ALMS1: variants seen among roughly 807,000 people sequenced by gnomAD.
ALMS1 encodes ALMS1 centrosome and basal body associated protein.
In ALMS1, 271 loss-of-function variants were observed where a neutral mutation model predicts 352.2. The observed-to-expected ratio is 0.77, with a 90% confidence interval of 0.70 to 0.85. The LOEUF is 0.85. Ranked by LOEUF, ALMS1 falls within the 40% of genes least tolerant of loss-of-function variation. The probability of loss-of-function intolerance (pLI) is 0.00; values close to 1 mark genes in which losing one functional copy is unlikely to be tolerated. For missense variants in ALMS1, 5,445 were observed against 4,870.7 expected (o/e 1.12, Z -3.51); for synonymous variants, 1,865 against 1,761.2 (o/e 1.06, Z -1.48).
rs1381524403 is a variant in ALMS1 at position 73,452,745 on chromosome 2, A to G, written c.6218A>G (p.Lys2073Arg). The change falls in exon 8 of 23, where the codon AAG becomes AGG. Residue 2073 changes from lysine (K) to arginine (R), a missense_variant. Transcript: ENST00000613296. ...PDRDQSKGIL[K>R]ISAVPELTDV... ...AGAGATCAAAGTAAAGGTATTCTAA[A>G]GATTTCAGCTGTCCCTGAACTAACT... 3 of 1,613,406 alleles carry G rather than the reference A, an allele frequency of 1.9e-6. No homozygotes were observed. The highest frequency in any genetic ancestry group is 2.5e-6 in the Non-Finnish European group (3 of 1,179,948).
intron 16 of ALMS1, among the ~76,000 whole-genome samples, chr2:73,596,208 C>G (rs1471472967): frequency 6.6e-6 from 1 of 152,144 alleles, no homozygotes; most frequent in Admixed American, 6.5e-5. Flanking sequence ...TAGAGATATT[C>G]TCCTATGTTT....
chr2:73,553,281 G>C (rs1423503550), intron 13 of ALMS1, among the ~76,000 whole-genome samples: 1 of 152,116 alleles, frequency 6.6e-6, no homozygotes, highest in Non-Finnish European at 1.5e-5. Flanking sequence ...TAAAACAAGG[G>C]AGTTTATTTA....
At chr2:73,503,706 G>A (rs1673263794) in intron 10 of ALMS1, among the ~76,000 whole-genome samples, 1 of 152,102 alleles carries the variant, frequency 6.6e-6, no homozygotes, top group South Asian at 2.1e-4. Context: ...CTAGTTTACA[G>A]TCCCACCAAC....
chr2:73,411,701 C>T (rs1028552485), intron 2 of ALMS1, among the ~76,000 whole-genome samples: 1 of 152,154 alleles, frequency 6.6e-6, no homozygotes, highest in Non-Finnish European at 1.5e-5. Context: ...ATCTGAGTTA[C>T]CTTTATTTAT....
Position 73,453,857 on chromosome 2 carries a change from C to A in ALMS1, c.7330C>A (p.Leu2444Ile). Residue 2444 changes from leucine (L) to isoleucine (I), a missense_variant, in exon 8 of 23, where the codon CTA (leucine) becomes ATA (isoleucine). Coordinates refer to ENST00000613296, the MANE Select transcript of ALMS1 (RefSeq NM_001378454.1). ...TTTGGAATCAGTTTCTGATGTTCTT[C>A]TAAACTTCTTTCCATATGTTTCACC... is the stretch of plus-strand genomic sequence containing the variant. ...ESLESVSDVL[L>I]NFFPYVSPKT... The A allele has an allele frequency of 1.9e-6, 3 of 1,614,080 alleles. No homozygotes were observed.
intron 11 of ALMS1, among the ~76,000 whole-genome samples, chr2:73,525,096 A>G (rs1396230357): frequency 6.6e-6 from 1 of 152,202 alleles, no homozygotes; most frequent in Non-Finnish European, 1.5e-5. Flanking sequence ...GCTAAATAGT[A>G]TTCCATTGTG....
intron 9 of ALMS1, among the ~76,000 whole-genome samples, chr2:73,475,070 T>C (rs1672556142): frequency 6.6e-6 from 1 of 152,194 alleles, no homozygotes; most frequent in Non-Finnish European, 1.5e-5. Context: ...TGTTGTAATG[T>C]GAATCAGTAC....
intron 13 of ALMS1, among the ~76,000 whole-genome samples, chr2:73,553,681 C>A (rs1674485798): frequency 6.6e-6 from 1 of 152,094 alleles, no homozygotes; most frequent in Admixed American, 6.5e-5. Context: ...TAAATATAAA[C>A]TTAATTGAAT....
At chr2:73,466,711 G>A (rs1672355553) in intron 9 of ALMS1, among the ~76,000 whole-genome samples, 1 of 152,088 alleles carries the variant, frequency 6.6e-6, no homozygotes, top group Non-Finnish European at 1.5e-5. Flanking sequence ...TGGGAAATTT[G>A]TGATGTAGGA....
intron 10 of ALMS1, among the ~76,000 whole-genome samples, chr2:73,498,155 C>A (rs923364797): frequency 6.6e-6 from 1 of 151,786 alleles, no homozygotes; most frequent in East Asian, 1.9e-4. Context: ...ATTATTTGAA[C>A]CTTCAGTGAG....
intron 12 of ALMS1, among the ~76,000 whole-genome samples, chr2:73,546,892 G>A (rs13008860): frequency 0.56 from 84,977 of 152,034 alleles, 27,083 homozygotes; most frequent in African/African-American, 0.89. Context: ...TCTATAATAT[G>A]GAAAGGGTGC....
chr2:73,484,630 A>G (rs910789819), intron 9 of ALMS1, among the ~76,000 whole-genome samples: 4 of 151,696 alleles, frequency 2.6e-5, no homozygotes, highest in African/African-American at 4.9e-5. Flanking sequence ...CTGCCTTGCT[A>G]GATTGGGGAA....
intron 7 of ALMS1, among the ~76,000 whole-genome samples, chr2:73,438,556 A>G (rs1262291059): frequency 2.0e-5 from 3 of 152,226 alleles, no homozygotes; most frequent in Non-Finnish European, 4.4e-5. Flanking sequence ...AAGTGTCTTC[A>G]AAGCCAGTTG....
chr2:73,439,137 AAG>A lies in ALMS1; in HGVS notation c.1432+6848_1432+6849del, dbSNP rs1297849021. Among the ~76,000 whole-genome samples, 1,066 of 142,280 alleles carry A rather than the reference AAG, an allele frequency of 7.5e-3. 24 individuals are homozygous for A. The highest frequency in any genetic ancestry group is 0.027 in the African/African-American group (1,018 of 37,722). 93.3% of individuals were successfully genotyped at this position (142,280 alleles called of 152,430 possible). ...TCCTCTTTTTTTTTTTTTTTAAATAAAGATAAAGTCTCACTCTGTTGCCCAGG... is the reference window on the plus strand; with the variant it reads ...TCCTCTTTTTTTTTTTTTTTAAATAAATAAAGTCTCACTCTGTTGCCCAGG... On this transcript the variant is annotated intron_variant, in intron 7 of 22. Transcript: ENST00000613296.
Position 73,451,649 on chromosome 2 carries a change from T to C in ALMS1, c.5122T>C (p.Ser1708Pro). Residue 1708 changes from serine (S) to proline (P), a missense_variant, in exon 8 of 23, where the codon TCC becomes CCC. Physicochemically the swap from Ser to Pro is moderately conservative, Grantham distance 74 (BLOSUM62 -1). Coordinates refer to ENST00000613296, the MANE Select transcript of ALMS1 (RefSeq NM_001378454.1). ...CCAGAAGACTGAGACACCATCAGTATCCTCTAGTTTATACTCATATAGAGA... is the reference window on the plus strand; with the variant it reads ...CCAGAAGACTGAGACACCATCAGTACCCTCTAGTTTATACTCATATAGAGA... ...DAQKTETPSV[S>P]SSLYSYREKP... 1 of 1,613,700 alleles carries C rather than the reference T, an allele frequency of 6.2e-7. No homozygotes were observed. The highest frequency in any genetic ancestry group is 8.5e-7 in the Non-Finnish European group (1 of 1,179,930).
chr2:73,522,689 G>A (rs1417872979), intron 11 of ALMS1, among the ~76,000 whole-genome samples: 3 of 152,050 alleles, frequency 2.0e-5, no homozygotes, highest in African/African-American at 7.2e-5. Flanking sequence ...GGATGATCTC[G>A]ATCTCTTGAC....
In ALMS1 at chr2:73,531,298, G is replaced by C. The variant is rs1673905019; in HGVS notation, c.9782-3526G>C. Among the ~76,000 whole-genome samples the C allele has an allele frequency of 2.0e-5, 3 of 152,156 alleles. No individual in the cohort carries two copies. The South Asian group carries it at 6.2e-4, about 32-fold the overall frequency. Reference sequence around the variant, plus strand: ...AACCTCTTGAATGCTTTGCTGTTTAGAAATTTCTCCTGCCAGATACCCTAA... The same window carrying C: ...AACCTCTTGAATGCTTTGCTGTTTACAAATTTCTCCTGCCAGATACCCTAA... On this transcript the variant is annotated intron_variant, in intron 11 of 22. Transcript: ENST00000613296.
intron 12 of ALMS1, among the ~76,000 whole-genome samples, chr2:73,538,599 G>A (rs955056637): frequency 2.6e-5 from 4 of 152,150 alleles, no homozygotes; most frequent in Non-Finnish European, 4.4e-5. Context: ...CGCCTCACCC[G>A]GGAAGCGCAA....
Position 73,404,899 on chromosome 2 carries a change from C to CTTTTTTTTTTTT in ALMS1, c.325-3704_325-3693dup. On this transcript the variant is annotated intron_variant, in intron 1 of 22. Transcript: ENST00000613296. ...CCAGTGAAGCTTTCTTGTCCTGGAC[C>CTTTTTTTTTTTT]TTTTTTTTTTTTTTTTTTTTTTTTT... Among the ~76,000 whole-genome samples the CTTTTTTTTTTTT allele has an allele frequency of 2.4e-3, 144 of 60,782 alleles. 25 individuals are homozygous for CTTTTTTTTTTTT. Among genetic ancestry groups the CTTTTTTTTTTTT allele is most frequent in the African/African-American group, 9.5e-3 (89 of 9,340 alleles). The allele number at this position is 60,782 out of a possible 152,430, so 39.9% of individuals were successfully genotyped here.
Sources: gnomAD v4.1 joint callset for allele counts (sites outside exome capture counted in the v4.1 genomes callset) on GRCh38, gnomAD v4.1.1 for gene constraint, MANE v1.5 for transcripts, NCBI Gene and HGNC (gene_info 2026-07-23, HGNC 2026-07-21) for gene names.